Variants in FARS2 observed in about 807,000 individuals in gnomAD.
FARS2 encodes phenylalanine--tRNA ligase, mitochondrial.
FARS2 carries 40 observed loss-of-function variants against 46.4 expected under a neutral mutation model. The ratio of observed to expected loss-of-function variants is 0.86; its 90% CI spans 0.67 to 1.12. The LOEUF is 1.12. FARS2 is among the 50% of genes most tolerant of loss of function. The probability of loss-of-function intolerance (pLI) is 0.00; values close to 1 mark genes in which losing one functional copy is unlikely to be tolerated. For synonymous variants in FARS2, 234 were observed against 214.9 expected, an observed-to-expected ratio of 1.09 and a Z score of -0.78; for missense variants, 513 against 567.9, an observed-to-expected ratio of 0.90 and a Z score of 0.98.
chr6:5,424,554 T>C (rs1237135241), intron 3 of FARS2, among the ~76,000 whole-genome samples: 1 of 152,210 alleles, frequency 6.6e-6, no homozygotes, highest in Non-Finnish European at 1.5e-5. Context: ...CACACTATGC[T>C]GCTTGTTATA....
chr6:5,756,446 C>T (rs922831976), intron 6 of FARS2, among the ~76,000 whole-genome samples: 3 of 152,150 alleles, frequency 2.0e-5, no homozygotes, highest in African/African-American at 7.2e-5. Flanking sequence ...CCTCAGAAAA[C>T]TTACAATCAT....
chr6:5,659,437 C>A (rs758761136), intron 6 of FARS2, among the ~76,000 whole-genome samples: 1 of 152,160 alleles, frequency 6.6e-6, no homozygotes, highest in Non-Finnish European at 1.5e-5. Context: ...CACAGTACAG[C>A]GAAGTGACAG....
intron 5 of FARS2, among the ~76,000 whole-genome samples, chr6:5,569,149 G>A (rs1030537920): frequency 6.6e-6 from 1 of 152,028 alleles, no homozygotes; most frequent in African/African-American, 2.4e-5. Context: ...TTCTGCCTTG[G>A]GAGCTGGGTA....
chr6:5,275,041 T>C (rs969782018), intron 1 of FARS2, among the ~76,000 whole-genome samples: 1 of 152,230 alleles, frequency 6.6e-6, no homozygotes, highest in African/African-American at 2.4e-5. Context: ...AAAAATAAAA[T>C]AGAACTTCCC....
At chr6:5,458,386 C>T (rs916376632) in intron 4 of FARS2, among the ~76,000 whole-genome samples, 2 of 152,202 alleles carry the variant, frequency 1.3e-5, no homozygotes, top group Non-Finnish European at 2.9e-5. Context: ...CTGAGGAGCA[C>T]TGGAGCCCTA....
At chr6:5,492,705 A>G (rs1767197351) in intron 4 of FARS2, among the ~76,000 whole-genome samples, 1 of 152,238 alleles carries the variant, frequency 6.6e-6, no homozygotes, top group Admixed American at 6.5e-5. Flanking sequence ...TAGTATTGGC[A>G]GTGAATATAT....
Position 5,479,173 on chromosome 6 carries a change from G to A in FARS2, c.904+48001G>A, listed in dbSNP as rs187720832. On this transcript the variant is annotated intron_variant, in intron 4 of 6. Transcript: ENST00000274680. ...GGGTCTGGCCATCTGAGCACAGTTG[G>A]TTCTCTGTGTACGGTCTTTTCACTT... Among the ~76,000 whole-genome samples the A allele has an allele frequency of 2.6e-3, 402 of 152,288 alleles. 4 individuals are homozygous for A. Among genetic ancestry groups the A allele is most frequent in the Non-Finnish European group, 3.4e-3 (234 of 68,022 alleles).
chr6:5,747,132 G>T (rs1415081889), intron 6 of FARS2, among the ~76,000 whole-genome samples: 1 of 152,176 alleles, frequency 6.6e-6, no homozygotes, highest in Non-Finnish European at 1.5e-5. Context: ...CACCAGCCAA[G>T]AGAGGCCACA....
At chr6:5,696,830 T>G (rs933815886) in intron 6 of FARS2, among the ~76,000 whole-genome samples, 1 of 152,162 alleles carries the variant, frequency 6.6e-6, no homozygotes, top group Non-Finnish European at 1.5e-5. Flanking sequence ...ATTCATTTAT[T>G]AGGGCCCTGT....
intron 4 of FARS2, among the ~76,000 whole-genome samples, chr6:5,500,491 G>A (rs138012032): frequency 5.3e-5 from 8 of 152,330 alleles, no homozygotes; most frequent in South Asian, 2.1e-4. Context: ...CACCAGCGGA[G>A]GGTGGGGCAA....
chr6:5,355,289 A>G (rs1757840409), intron 1 of FARS2, among the ~76,000 whole-genome samples: 1 of 142,340 alleles, frequency 7.0e-6, no homozygotes, highest in African/African-American at 2.6e-5. Flanking sequence ...ACTTCTTTCT[A>G]TTTTCATATT....
chr6:5,294,393 A>G (rs1767712302), intron 1 of FARS2, among the ~76,000 whole-genome samples: 1 of 152,134 alleles, frequency 6.6e-6, no homozygotes, highest in South Asian at 2.1e-4. Flanking sequence ...TCACACTACA[A>G]CAATCATCAA....
At chr6:5,560,932 C>T (rs1771945317) in intron 5 of FARS2, among the ~76,000 whole-genome samples, 1 of 152,066 alleles carries the variant, frequency 6.6e-6, no homozygotes, top group African/African-American at 2.4e-5. Flanking sequence ...AGTTTGAGAC[C>T]AGCCTGGCCA....
chr6:5,581,395 G>T (rs1183721246), intron 5 of FARS2, among the ~76,000 whole-genome samples: 2 of 152,198 alleles, frequency 1.3e-5, no homozygotes, highest in South Asian at 2.1e-4. Context: ...GTTATATTTT[G>T]CTTTTACATA....
chr6:5,394,201 A>G (rs1297157541), intron 2 of FARS2, among the ~76,000 whole-genome samples: 2 of 152,226 alleles, frequency 1.3e-5, no homozygotes, highest in African/African-American at 4.8e-5. Flanking sequence ...AAAACATTTC[A>G]GTTTTAGTAT....
intron 4 of FARS2, among the ~76,000 whole-genome samples, chr6:5,509,434 A>G (rs1230908908): frequency 6.6e-6 from 1 of 152,162 alleles, no homozygotes; most frequent in Non-Finnish European, 1.5e-5. Flanking sequence ...TCACAAAGAA[A>G]TCTCGTGAGC....
At chr6:5,537,006 T>C (rs1026460460) in intron 4 of FARS2, among the ~76,000 whole-genome samples, 1 of 152,196 alleles carries the variant, frequency 6.6e-6, no homozygotes, top group Non-Finnish European at 1.5e-5. Flanking sequence ...CCTTCTAGCG[T>C]TGACTGATGA....
At chr6:5,319,614 C>T (rs556691655) in intron 1 of FARS2, among the ~76,000 whole-genome samples, 2 of 152,330 alleles carry the variant, frequency 1.3e-5, no homozygotes, top group Non-Finnish European at 2.9e-5. Context: ...TTACTTCCTT[C>T]TGTTCCTGCT....
At chr6:5,458,232 C>A (rs1315564393) in intron 4 of FARS2, among the ~76,000 whole-genome samples, 1 of 152,202 alleles carries the variant, frequency 6.6e-6, no homozygotes, top group African/African-American at 2.4e-5. Flanking sequence ...GCAAAGCCTG[C>A]CCATGACTGG....
Sources: allele counts gnomAD v4.1 joint callset (sites outside exome capture counted in the v4.1 genomes callset), GRCh38; gene constraint gnomAD v4.1.1; transcripts MANE v1.5; gene names NCBI Gene and HGNC (gene_info 2026-07-23, HGNC 2026-07-21).